MED13L: variants seen among roughly 807,000 people sequenced by gnomAD.
The protein encoded by MED13L is mediator of RNA polymerase II transcription subunit 13-like.
Under a neutral mutation model 220.9 loss-of-function variants are expected in MED13L, and 7 were observed. That is an observed-to-expected ratio of 0.03 (90% CI 0.02 to 0.06). The LOEUF (loss-of-function observed/expected upper bound fraction) is 0.06, where lower values mean the gene tolerates loss of function less well. Ranked by LOEUF, MED13L falls within the 10% of genes least tolerant of loss-of-function variation. MED13L has a pLI of 1.00. For synonymous variants in MED13L, 1,011 were observed against 1,015.2 expected, an observed-to-expected ratio of 1.00 and a Z score of 0.08; for missense variants, 1,965 against 2,760.5, an observed-to-expected ratio of 0.71 and a Z score of 6.46.
chr12:116,048,018 A>C lies in MED13L; in HGVS notation c.480-25417T>G, dbSNP rs188186875. On this transcript the variant is annotated intron_variant, in intron 4 of 30. Transcript: ENST00000281928. ...TCAGTTATGAGTTATACCTGCAAAGATCAAAGATATATGTTACTTTTTTTT... is the reference window on the plus strand; with the variant it reads ...TCAGTTATGAGTTATACCTGCAAAGCTCAAAGATATATGTTACTTTTTTTT... Among the ~76,000 whole-genome samples the C allele has an allele frequency of 5.3e-5, 8 of 151,618 alleles. No homozygotes were observed. The East Asian group carries it at 1.4e-3, about 26-fold the overall frequency.
intron 2 of MED13L, among the ~76,000 whole-genome samples, chr12:116,192,421 G>A (rs544109955): frequency 7.4e-4 from 112 of 152,208 alleles, no homozygotes; most frequent in African/African-American, 2.6e-3. Context: ...CAAAAACAAA[G>A]CTAATAAGAA....
At chr12:116,212,487 T>C (rs1414550261) in intron 2 of MED13L, among the ~76,000 whole-genome samples, 6 of 152,198 alleles carry the variant, frequency 3.9e-5, no homozygotes, top group Non-Finnish European at 7.4e-5. Flanking sequence ...GAGTATACTA[T>C]GACACTATCT....
chr12:116,274,259 T>A (rs545900489), intron 1 of MED13L, among the ~76,000 whole-genome samples: 1 of 152,250 alleles, frequency 6.6e-6, no homozygotes, highest in East Asian at 1.9e-4. Context: ...AGTGTCTGAT[T>A]GATTGCACAA....
intron 4 of MED13L, among the ~76,000 whole-genome samples, chr12:116,033,276 T>C (rs960951286): frequency 6.6e-6 from 1 of 152,156 alleles, no homozygotes; most frequent in Non-Finnish European, 1.5e-5. Context: ...AATAAACACC[T>C]GGGCTTATAC....
rs143089451 is a variant in MED13L at position 116,048,805 on chromosome 12, G to A, written c.480-26204C>T. Among the ~76,000 whole-genome samples, 523 of 152,166 alleles carry A rather than the reference G, an allele frequency of 3.4e-3. 5 individuals carry two copies. Among genetic ancestry groups the A allele is most frequent in the Middle Eastern group, 0.02 (6 of 294 alleles). ...GCCTAAGTTACAGACAGCCATTACCGTTATTGATTTCCATTTTTAAAATCA... is the reference window on the plus strand; with the variant it reads ...GCCTAAGTTACAGACAGCCATTACCATTATTGATTTCCATTTTTAAAATCA... On this transcript the variant is annotated intron_variant, in intron 4 of 30. Coordinates refer to ENST00000281928, the MANE Select transcript of MED13L (RefSeq NM_015335.5).
chr12:116,016,046 T>C (rs1485538416), intron 7 of MED13L, among the ~76,000 whole-genome samples: 1 of 152,178 alleles, frequency 6.6e-6, no homozygotes, highest in Non-Finnish European at 1.5e-5. Context: ...ATTTTGAGTA[T>C]TTTACTACTT....
chr12:116,241,341 AACACACAC>A (rs890266083), intron 1 of MED13L, among the ~76,000 whole-genome samples: 2 of 149,138 alleles, frequency 1.3e-5, no homozygotes, highest in South Asian at 2.1e-4. Flanking sequence ...ACAAAAAAAA[AACACACAC>A]ACACACACAC....
intron 1 of MED13L, among the ~76,000 whole-genome samples, chr12:116,275,462 T>C (rs904232484): frequency 1.3e-5 from 2 of 152,224 alleles, no homozygotes; most frequent in Admixed American, 6.5e-5. Context: ...TATGTCTTTG[T>C]AGGTAAAAAT....
At chr12:115,972,273 A>G (rs1439911512) in intron 25 of MED13L, 37 bp from the exon 26 acceptor site, 3 of 1,606,788 alleles carry the variant, frequency 1.9e-6, no homozygotes, top group Non-Finnish European at 2.5e-6. Context: ...CAGTCTTTAG[A>G]AATTCATACT....
chr12:116,020,232 A>G (rs1161739238), intron 5 of MED13L, among the ~76,000 whole-genome samples: 3 of 152,158 alleles, frequency 2.0e-5, no homozygotes, highest in African/African-American at 4.8e-5. Context: ...CAAAAGTATG[A>G]TATTTTGAAG....
At chr12:115,965,837 CT>C (rs1876118354) in intron 29 of MED13L, among the ~76,000 whole-genome samples, 1 of 152,164 alleles carries the variant, frequency 6.6e-6, no homozygotes, top group Non-Finnish European at 1.5e-5. Flanking sequence ...GATTTACCCT[CT>C]GGGCCCCACT....
intron 2 of MED13L, among the ~76,000 whole-genome samples, chr12:116,191,045 T>G (rs148147157): frequency 6.7e-6 from 1 of 149,676 alleles, no homozygotes; most frequent in South Asian, 2.1e-4. Flanking sequence ...TGAGCAGAGG[T>G]TGCACAACTG....
intron 7 of MED13L, among the ~76,000 whole-genome samples, chr12:116,018,586 A>G (rs757238003): frequency 1.7e-4 from 26 of 152,198 alleles, no homozygotes; most frequent in Non-Finnish European, 3.4e-4. Context: ...CTACAACAAT[A>G]ACAAAGTTAA....
At chr12:116,225,496 C>A (rs764303712) in intron 2 of MED13L, among the ~76,000 whole-genome samples, 4 of 152,166 alleles carry the variant, frequency 2.6e-5, no homozygotes, top group Non-Finnish European at 4.4e-5. Context: ...CCTCCCTAAA[C>A]AATCAGAGTT....
At chr12:116,247,977 A>C (rs966249759) in intron 1 of MED13L, among the ~76,000 whole-genome samples, 1 of 152,224 alleles carries the variant, frequency 6.6e-6, no homozygotes, top group Non-Finnish European at 1.5e-5. Flanking sequence ...ATCAGTCATT[A>C]TTCAGTACTG....
rs1207278610 is a variant in MED13L at position 116,277,633 on chromosome 12, C to A, written c.-502G>T. On this transcript the variant is annotated 5_prime_UTR_variant, in exon 1 of 31. Coordinates refer to ENST00000281928, the MANE Select transcript of MED13L (RefSeq NM_015335.5). ...CCTTCCTCTTCCTCCCCCACCCCCC[C>A]CTCCTCCCCAGTCAGCCTCGCTTCT... Among the ~76,000 whole-genome samples, 1 of 149,788 alleles carries A rather than the reference C, an allele frequency of 6.7e-6. No homozygotes were observed. The highest frequency in any genetic ancestry group is 6.6e-5 in the Admixed American group (1 of 15,096).
At chr12:116,120,467 TCTCTCTCTCTCACACACACA>T (rs1273592495) in intron 2 of MED13L, among the ~76,000 whole-genome samples, 3 of 136,838 alleles carry the variant, frequency 2.2e-5, no homozygotes, top group African/African-American at 8.6e-5. Flanking sequence ...TCTCTCTCTC[TCTCTCTCTCTCACACACACA>T]CACACACACA....
intron 2 of MED13L, among the ~76,000 whole-genome samples, chr12:116,175,279 C>T (rs905452586): frequency 2.6e-5 from 4 of 152,114 alleles, no homozygotes; most frequent in Non-Finnish European, 4.4e-5. Flanking sequence ...AATTTCAATA[C>T]ATATTAACAA....
chr12:115,963,809 T>C (rs932611989), intron 29 of MED13L, among the ~76,000 whole-genome samples: 1 of 152,168 alleles, frequency 6.6e-6, no homozygotes, highest in African/African-American at 2.4e-5. Context: ...TACTATAATA[T>C]ATAATAAGGT....
Sources: allele counts gnomAD v4.1 joint callset (sites outside exome capture counted in the v4.1 genomes callset), GRCh38; gene constraint gnomAD v4.1.1; transcripts MANE v1.5; gene names NCBI Gene and HGNC (gene_info 2026-07-23, HGNC 2026-07-21).